The following ANO7 variants were observed in gnomAD, a reference collection of about 807,000 sequenced individuals.
The protein encoded by ANO7 is anoctamin-7.
Under a neutral mutation model 115.8 loss-of-function variants are expected in ANO7, and 114 were observed. That is an observed-to-expected ratio of 0.98 (90% confidence interval 0.85 to 1.15). The LOEUF (loss-of-function observed/expected upper bound fraction) is 1.15. Ranked by LOEUF, ANO7 falls within the 50% of genes most tolerant of loss-of-function variation. The pLI, the probability that ANO7 is intolerant of heterozygous loss-of-function variation, is 0.00. For missense variants in ANO7, 1,302 were observed against 1,201.2 expected, an observed-to-expected ratio of 1.08 and a Z score of -1.24; for synonymous variants, 550 against 498.2, an observed-to-expected ratio of 1.10 and a Z score of -1.38.
intron 22 of ANO7, 107 bp downstream of exon 22, chr2:241,223,383 G>T: frequency 1.6e-6 from 2 of 1,280,176 alleles, no homozygotes. Context: ...ACTTCCTGCT[G>T]TGTCATCTTG....
At chr2:241,200,391 G>A (rs978318574) in intron 6 of ANO7, among the ~76,000 whole-genome samples, 166 bp downstream of exon 6, 2 of 152,252 alleles carry the variant, frequency 1.3e-5, no homozygotes, top group Non-Finnish European at 2.9e-5. Context: ...ATTTCCAAAT[G>A]CCGCTGCGTC....
chr2:241,233,811 G>C, the ANO7 span: 1 of 1,614,060 alleles, frequency 6.2e-7, no homozygotes, highest in Non-Finnish European at 8.5e-7. This position sits in a 1 kb window ranked among gnomAD's most constrained non-coding sequence, Gnocchi z 4.3. Context: ...CTCCAACCGA[G>C]GCTCTCACCT....
intron 2 of ANO7, among the ~76,000 whole-genome samples, chr2:241,190,822 C>T (rs938384370): frequency 1.6e-4 from 25 of 152,230 alleles, no homozygotes; most frequent in African/African-American, 3.4e-4. Flanking sequence ...GGGAGCAGTC[C>T]GGCTCCCCTC....
At chr2:241,230,366 A>G (rs2069595227), downstream of ANO7, 1 of 796,058 alleles carries the variant, frequency 1.3e-6, no homozygotes, top group Non-Finnish European at 2.1e-6. This position sits in a 1 kb window ranked among gnomAD's most constrained non-coding sequence, Gnocchi z 5.0. Flanking sequence ...CTGAGTTAGC[A>G]AACGTTTTAA....
rs555678311 is a variant in ANO7, at chr2:241,223,202, G to A, written c.2338G>A (p.Asp780Asn). Residue 780 changes from aspartate to asparagine, a missense_variant, in exon 22 of 25, where the codon GAT becomes AAT. Transcript: ENST00000674324. ...NRTCRYRAFR[D>N]DDGHYSQTYW... ...CTGCTGCAGGTATCGGGCTTTCCGG[G>A]ATGACGATGGACATTATTCCCAGAC... 5.6e-5 allele frequency: 90 copies of A among 1,614,224 alleles called. No homozygotes were observed. In the South Asian group the frequency reaches 8.8e-4, roughly 16 times the overall value.
chr2:241,222,150 C>T (rs2149275368), intron 21 of ANO7, among the ~76,000 whole-genome samples: 1 of 152,122 alleles, frequency 6.6e-6, no homozygotes, highest in South Asian at 2.1e-4. Flanking sequence ...AGGAGAATCG[C>T]TTGAACCCAG....
At position 241,209,571 on chromosome 2, in the gene ANO7, C is replaced by A. The variant is rs1259184951; in HGVS notation, c.1295C>A (p.Pro432His). The A allele has an allele frequency of 1.2e-6, 2 of 1,603,596 alleles. No homozygotes were observed. Among genetic ancestry groups the A allele is most frequent in the Admixed American group, 3.4e-5 (2 of 59,376 alleles). The change falls in exon 13 of 25, where the codon CCC becomes CAC. Residue 432 changes from proline (P) to histidine (H), a missense_variant. Physicochemically the swap from Pro to His is moderately conservative, Grantham distance 77. Coordinates refer to ENST00000674324, the MANE Select transcript of ANO7 (RefSeq NM_001370694.2). Reference sequence around the variant, plus strand: ...AACCCCATCACGGGTGAGGACGAGCCCTACTTCCCTGAGAGGAGCCGCGCG... The same window carrying A: ...AACCCCATCACGGGTGAGGACGAGCACTACTTCCCTGAGAGGAGCCGCGCG... ...APNPITGEDE[P>H]YFPERSRARR...
intron 11 of ANO7, among the ~76,000 whole-genome samples, chr2:241,208,975 T>A (rs4675983): frequency 6.6e-6 from 1 of 151,878 alleles, no homozygotes; most frequent in Non-Finnish European, 1.5e-5. Context: ...CGGTGAAACC[T>A]CGTCTCTACT....
Position 241,201,424 on chromosome 2 carries a change from C to G in ANO7, c.612+69C>G, listed in dbSNP as rs748068890. 8.5e-6 allele frequency: 13 copies of G among 1,531,606 alleles called. No homozygotes were observed. The Admixed American group carries it at 1.3e-4, about 15-fold the overall frequency. 94.9% of individuals were successfully genotyped at this position (1,531,606 alleles called of 1,614,324 possible). On this transcript the variant is annotated intron_variant, in intron 7 of 24. Transcript: ENST00000674324. Reference sequence around the variant, plus strand: ...CTCTGAGGATCCTGCCAGCCCCCAGCCTCCATGGATGCAGAAAGGCCTGCT... The same window carrying G: ...CTCTGAGGATCCTGCCAGCCCCCAGGCTCCATGGATGCAGAAAGGCCTGCT...
intron 20 of ANO7, 56 bp from the exon 21 acceptor site, chr2:241,218,183 G>A (rs2068905295): frequency 5.1e-6 from 6 of 1,170,018 alleles, no homozygotes; most frequent in Non-Finnish European, 6.4e-6. Flanking sequence ...GGGGCGGAGC[G>A]GGGGCGCGCA....
In ANO7 at chr2:241,190,128, C is replaced by T; in HGVS notation, c.65C>T (p.Ala22Val). Reference sequence around the variant, plus strand: ...CTGATCGATGTGAGCCCCCCTGAGGCAGAGAAGAGGGGCTCTTACGGGAGC... The same window carrying T: ...CTGATCGATGTGAGCCCCCCTGAGGTAGAGAAGAGGGGCTCTTACGGGAGC... Reference protein sequence around the residue: ...TVLIDVSPPEAEKRGSYGSTA... With the variant: ...TVLIDVSPPEVEKRGSYGSTA... The change falls in exon 2 of 25, where the codon GCA (alanine) becomes GTA (valine). Residue 22 changes from alanine (A) to valine (V), a missense_variant. Coordinates refer to ENST00000674324, the MANE Select transcript of ANO7 (RefSeq NM_001370694.2). 6.3e-7 allele frequency: 1 copy of T among 1,579,236 alleles called. No individual in the cohort carries two copies. The highest frequency in any genetic ancestry group is 1.2e-5 in the South Asian group (1 of 85,966).
downstream of ANO7, chr2:241,228,788 T>G (rs1258634146): frequency 2.6e-5 from 4 of 152,848 alleles, no homozygotes; most frequent in African/African-American, 9.7e-5. Flanking sequence ...TAAGGCAAAC[T>G]GCCCCCACTG....
intron 3 of ANO7, among the ~76,000 whole-genome samples, chr2:241,191,687 G>A (rs1379464459): frequency 6.6e-6 from 1 of 152,086 alleles, no homozygotes; most frequent in Non-Finnish European, 1.5e-5. Flanking sequence ...ACCAGCACCA[G>A]CCGGGCTCCC....
the ANO7 span, chr2:241,231,011 G>A: frequency 6.5e-6 from 9 of 1,390,612 alleles, no homozygotes; most frequent in South Asian, 2.4e-5. Context: ...GGCAAGAGCC[G>A]GCCCCCACTG....
downstream of ANO7, chr2:241,230,842 C>G: frequency 6.2e-7 from 1 of 1,614,218 alleles, no homozygotes; most frequent in Non-Finnish European, 8.5e-7. The surrounding 1 kb of genome is among the most constrained non-coding windows in gnomAD (Gnocchi z 5.0). Flanking sequence ...AGCGGGACGT[C>G]CTCAGAAACC....
chr2:241,208,949 A>AG (rs747057522), intron 11 of ANO7, among the ~76,000 whole-genome samples: 254 of 152,220 alleles, frequency 1.7e-3, no homozygotes, highest in Non-Finnish European at 2.9e-3. Flanking sequence ...GAAGATCGAG[A>AG]CCATCCTGGC....
At position 241,209,269 on chromosome 2, in the gene ANO7, C is replaced by T. The variant is rs1179528651; in HGVS notation, c.1078-16C>T. 3.2e-6 allele frequency: 5 copies of T among 1,545,890 alleles called. No individual in the cohort carries two copies. Among genetic ancestry groups the T allele is most frequent in the Non-Finnish European group, 4.4e-6 (5 of 1,146,536 alleles). On this transcript the variant is annotated splice_polypyrimidine_tract_variant and intron_variant, in intron 11 of 24. Coordinates refer to ENST00000674324, the MANE Select transcript of ANO7 (RefSeq NM_001370694.2). ...CAGTCCCAAGCAAGTCTGGACGCCC[C>T]CGCTCCCTGCCACAGGCCGGCCGGC...
rs1239828545 is a variant in ANO7 at position 241,203,163 on chromosome 2, C to A, written c.724-170C>A. Among the ~76,000 whole-genome samples the A allele has an allele frequency of 6.6e-6, 1 of 152,122 alleles. No individual in the cohort carries two copies. Among genetic ancestry groups the A allele is most frequent in the East Asian group, 1.9e-4 (1 of 5,186 alleles). On this transcript the variant is annotated intron_variant, in intron 8 of 24. Transcript: ENST00000674324. This position sits in a 1 kb window ranked among gnomAD's most constrained non-coding sequence, Gnocchi z 4.8. The stretch of plus-strand genomic sequence containing the variant: ...ATGTCCCCTCCTCAGAGAGGTCCTC[C>A]CGGACCACCCTGTACCCACCCCTCC...
In ANO7 at chr2:241,210,355, G is replaced by A. The variant is rs148053897; in HGVS notation, c.1420G>A (p.Val474Met). 2.0e-5 allele frequency: 33 copies of A among 1,613,908 alleles called. No homozygotes were observed. The highest frequency in any genetic ancestry group is 3.3e-5 in the Admixed American group (2 of 60,004). The change falls in exon 14 of 25, where the codon GTG becomes ATG. Residue 474 changes from valine to methionine, a missense_variant. Transcript: ENST00000674324. ...CCTGTACCGTGCCATCATGGCCATC[G>A]TGGTGTCCAGGTCGGGCAACACCCT... ...IILYRAIMAI[V>M]VSRSGNTLLA...
Sources: gnomAD v4.1 joint callset for allele counts (sites outside exome capture counted in the v4.1 genomes callset) on GRCh38, gnomAD v4.1.1 for gene constraint, Gnocchi (gnomAD v3.1) non-coding constraint, MANE v1.5 for transcripts, NCBI Gene and HGNC (gene_info 2026-07-23, HGNC 2026-07-21) for gene names.